TSNARE1: variants seen among roughly 807,000 people sequenced by gnomAD.
TSNARE1 encodes the protein t-SNARE domain containing 1, also known as t-SNARE domain-containing protein 1.
Under a neutral mutation model 62.0 loss-of-function variants are expected in TSNARE1, and 49 were observed. That is an observed-to-expected ratio of 0.79 (90% confidence interval 0.63 to 1.00). The LOEUF is 1.00. TSNARE1 is among the 50% of genes least tolerant of loss of function. TSNARE1 has a pLI of 0.00. For missense variants in TSNARE1, 755 were observed against 700.1 expected (o/e 1.08, Z -0.88); for synonymous variants, 328 against 294.4 (o/e 1.11, Z -1.17).
chr8:142,344,481 G>A lies in TSNARE1; in HGVS notation c.239-9C>T. ...AGGGGCAACCCCAGGCCCTGGAAAG[G>A]CACCAAAAGGCGGATGTTTAAGGCC... On this transcript the variant is annotated splice_polypyrimidine_tract_variant and intron_variant, in intron 3 of 13. Transcript: ENST00000524325. 1 of 1,516,448 alleles carries A rather than the reference G, an allele frequency of 6.6e-7. No homozygotes were observed. The highest frequency in any genetic ancestry group is 8.8e-7 in the Non-Finnish European group (1 of 1,138,566). 93.9% of individuals were successfully genotyped at this position (1,516,448 alleles called of 1,614,324 possible).
In TSNARE1 at chr8:142,344,195, A is replaced by G. The variant is rs1257620060; in HGVS notation, c.516T>C (p.Asn172=). 1.2e-6 allele frequency: 2 copies of G among 1,613,434 alleles called. No individual in the cohort carries two copies. The highest frequency in any genetic ancestry group is 1.7e-5 in the Admixed American group (1 of 60,000). The part of the protein sequence containing the change: ...RVWSRILQAV[N]ALGYCRRDVV... ...CGTCGCGGCGACAGTAGCCCAGCGC[A>G]TTCACGGCCTGCAGGATGCGGCTCC... Residue 172 remains asparagine (N), a synonymous_variant, in exon 4 of 14, where the codon AAT becomes AAC. Coordinates refer to ENST00000524325, the MANE Select transcript of TSNARE1 (RefSeq NM_145003.5).
chr8:142,256,549 C>G (rs1818588902), intron 12 of TSNARE1, among the ~76,000 whole-genome samples: 1 of 144,318 alleles, frequency 6.9e-6, no homozygotes, highest in South Asian at 2.3e-4. Flanking sequence ...TCACCACCAT[C>G]ACCATCACCA....
At chr8:142,233,983 G>A (rs1002210403) in intron 12 of TSNARE1, among the ~76,000 whole-genome samples, 22 of 152,344 alleles carry the variant, frequency 1.4e-4, no homozygotes, top group African/African-American at 4.1e-4. Flanking sequence ...TGTGGGGGGC[G>A]GATGAGGTGT....
chr8:142,267,915 C>T (rs375486767), intron 12 of TSNARE1, among the ~76,000 whole-genome samples: 8 of 152,204 alleles, frequency 5.3e-5, no homozygotes, highest in Non-Finnish European at 1.0e-4. Flanking sequence ...CTCTCTCACA[C>T]GCTTGCTAAG....
At chr8:142,305,956 C>A (rs1826598130) in intron 9 of TSNARE1, among the ~76,000 whole-genome samples, 1 of 152,186 alleles carries the variant, frequency 6.6e-6, no homozygotes, top group South Asian at 2.1e-4. Flanking sequence ...AAAGCAGGGA[C>A]CCGAGGCCGG....
chr8:142,393,430 G>C (rs1186755363), intron 1 of TSNARE1, among the ~76,000 whole-genome samples: 1 of 152,242 alleles, frequency 6.6e-6, no homozygotes, highest in Non-Finnish European at 1.5e-5. Flanking sequence ...GGCCGCGTCG[G>C]CCAATCCGCT....
intron 6 of TSNARE1, among the ~76,000 whole-genome samples, 166 bp downstream of exon 6, chr8:142,330,735 C>T (rs532152646): frequency 1.1e-4 from 17 of 152,070 alleles, no homozygotes; most frequent in South Asian, 6.2e-4. Flanking sequence ...ACTGACTAGG[C>T]TTATCCGCAG....
At chr8:142,220,856 C>G (rs1816177083) in intron 13 of TSNARE1, among the ~76,000 whole-genome samples, 1 of 152,206 alleles carries the variant, frequency 6.6e-6, no homozygotes, top group Non-Finnish European at 1.5e-5. Flanking sequence ...TACTGTACCT[C>G]CTGGCCAGCA....
chr8:142,390,129 G>C (rs1424693421), intron 1 of TSNARE1, among the ~76,000 whole-genome samples: 1 of 152,252 alleles, frequency 6.6e-6, no homozygotes, highest in Non-Finnish European at 1.5e-5. Flanking sequence ...ACTGTATAGG[G>C]CACTTACCAT....
chr8:142,215,267 C>A (rs1454384628), intron 13 of TSNARE1, among the ~76,000 whole-genome samples: 1 of 152,232 alleles, frequency 6.6e-6, no homozygotes, highest in African/African-American at 2.4e-5. Flanking sequence ...AGGCACCCCC[C>A]ACTTCCTAGC....
intron 1 of TSNARE1, among the ~76,000 whole-genome samples, chr8:142,380,325 G>A (rs1010101577): frequency 1.3e-5 from 2 of 152,164 alleles, no homozygotes; most frequent in African/African-American, 4.8e-5. Flanking sequence ...TCCTCCTTCC[G>A]GGCACCACCG....
rs75862789 is a variant in TSNARE1 at position 142,369,809 on chromosome 8, A to T, written c.-39-15046T>A. Among the ~76,000 whole-genome samples, 339 of 152,324 alleles carry T rather than the reference A, an allele frequency of 2.2e-3. 2 individuals carry two copies. The highest frequency in any genetic ancestry group is 7.9e-3 in the African/African-American group (327 of 41,562). ...AAAGTGAAAAAAGAAAACAAAAGAC[A>T]AGCACCTACCAGACGTTATCAAACG... On this transcript the variant is annotated intron_variant, in intron 1 of 13. Coordinates refer to ENST00000524325, the MANE Select transcript of TSNARE1 (RefSeq NM_145003.5).
At chr8:142,284,874 G>A (rs1822417989) in intron 10 of TSNARE1, among the ~76,000 whole-genome samples, 2 of 152,184 alleles carry the variant, frequency 1.3e-5, no homozygotes, top group South Asian at 2.1e-4. Context: ...CACTGTAAAG[G>A]CCTGACTGCA....
At position 142,217,879 on chromosome 8, in the gene TSNARE1, A is replaced by AGGGCTCAGTGTGACCAGGG. The variant is rs1563750910; in HGVS notation, c.*12-5567_*12-5566insCCCTGGTCACACTGAGCCC. ...GATCAGGGCTCAGTGTGTGGCCAGG[A>AGGGCTCAGTGTGACCAGGG]TCAGGGCTCAGTGTGTGACCAGGAT... On this transcript the variant is annotated intron_variant, in intron 13 of 13. Transcript: ENST00000524325. Among the ~76,000 whole-genome samples, 7 of 41,464 alleles carry AGGGCTCAGTGTGACCAGGG rather than the reference A, an allele frequency of 1.7e-4. 1 individual carries two copies. The highest frequency in any genetic ancestry group is 5.4e-4 in the Admixed American group (2 of 3,690). The allele number at this position is 41,464 out of a possible 152,430, so 27.2% of individuals were successfully genotyped here.
chr8:142,305,457 C>T (rs1478031620), intron 9 of TSNARE1, among the ~76,000 whole-genome samples: 2 of 152,110 alleles, frequency 1.3e-5, no homozygotes, highest in Non-Finnish European at 2.9e-5. Context: ...GGGATGCGAG[C>T]CGTGTGGACA....
At chr8:142,301,252 G>A (rs2131327447) in intron 9 of TSNARE1, among the ~76,000 whole-genome samples, 1 of 106,896 alleles carries the variant, frequency 9.4e-6, no homozygotes, top group South Asian at 3.5e-4. Context: ...ATGCCAGCGG[G>A]CCTTCCTTCC....
chr8:142,306,355 C>T (rs1474374114), intron 9 of TSNARE1, among the ~76,000 whole-genome samples: 1 of 152,220 alleles, frequency 6.6e-6, no homozygotes, highest in Non-Finnish European at 1.5e-5. Context: ...TGGGGACACA[C>T]GAAGTCCTGG....
chr8:142,398,896 C>G (rs529343582), intron 1 of TSNARE1, among the ~76,000 whole-genome samples: 1 of 152,270 alleles, frequency 6.6e-6, no homozygotes, highest in East Asian at 1.9e-4. Flanking sequence ...CAGCACAGTC[C>G]GGATTTGAAG....
At chr8:142,264,223 C>A (rs972986016) in intron 12 of TSNARE1, among the ~76,000 whole-genome samples, 2 of 152,178 alleles carry the variant, frequency 1.3e-5, no homozygotes, top group Non-Finnish European at 2.9e-5. Context: ...TCCAAACATA[C>A]AATGACCTTT....
Sources: gnomAD v4.1 joint callset for allele counts (sites outside exome capture counted in the v4.1 genomes callset) on GRCh38, gnomAD v4.1.1 for gene constraint, MANE v1.5 for transcripts, NCBI Gene and HGNC (gene_info 2026-07-23, HGNC 2026-07-21) for gene names.